Variants in FOCAD observed in about 807,000 individuals in gnomAD.
FOCAD encodes KIAA1797.
FOCAD carries 198 observed loss-of-function variants against 225.6 expected under a neutral mutation model. The ratio of observed to expected loss-of-function variants is 0.88; its 90% confidence interval spans 0.78 to 0.99. The LOEUF is 0.99. Among genes scored for constraint, FOCAD ranks in the 50% least tolerant of loss-of-function variants. The pLI is 0.00. For missense variants in FOCAD, 2,713 were observed against 2,123.6 expected (o/e 1.28, Z -5.46); for synonymous variants, 897 against 755.0 (o/e 1.19, Z -3.08).
chr9:20,820,226 T>A lies in FOCAD; in HGVS notation c.1561-98T>A, dbSNP rs1217937906. Reference sequence around the variant, plus strand: ...ATATTGCAGCAAGCTTTCTTCTCAGTCTTCATTTTATAACAAGGGGTTTAA... The same window carrying A: ...ATATTGCAGCAAGCTTTCTTCTCAGACTTCATTTTATAACAAGGGGTTTAA... On this transcript the variant is annotated intron_variant, in intron 12 of 43. Coordinates refer to ENST00000338382, the MANE Select transcript of FOCAD (RefSeq NM_001375567.1). The A allele has an allele frequency of 9.8e-6, 8 of 812,886 alleles. No individual in the cohort carries two copies. In the Admixed American group the frequency reaches 1.9e-4, roughly 20 times the overall value. The allele number at this position is 812,886 out of a possible 1,614,324, so 50.4% of individuals were successfully genotyped here.
upstream of FOCAD, among the ~76,000 whole-genome samples, chr9:20,680,856 G>A (rs922081619): frequency 1.3e-5 from 2 of 152,044 alleles, no homozygotes; most frequent in African/African-American, 2.4e-5. Context: ...TATGTTAGCC[G>A]AACACTGTGG....
chr9:20,952,899 T>A, intron 34 of FOCAD, 86 bp from the exon 35 acceptor site: 1 of 1,039,602 alleles, frequency 9.6e-7, no homozygotes, highest in Non-Finnish European at 1.5e-6. Context: ...TGTCTCTAGG[T>A]TGATATGGCA....
chr9:20,694,120 C>T (rs1055314742), intron 1 of FOCAD, among the ~76,000 whole-genome samples: 2 of 152,182 alleles, frequency 1.3e-5, no homozygotes, highest in African/African-American at 4.8e-5. Flanking sequence ...TATGCAATAC[C>T]TTTCTTGATA....
intron 19 of FOCAD, among the ~76,000 whole-genome samples, chr9:20,877,872 C>T (rs562835316): frequency 6.6e-6 from 1 of 152,106 alleles, no homozygotes; most frequent in African/African-American, 2.4e-5. Context: ...TGCACCACTG[C>T]ACTCCAGTCT....
chr9:20,687,088 A>G (rs1822713845), intron 1 of FOCAD, among the ~76,000 whole-genome samples: 1 of 151,596 alleles, frequency 6.6e-6, no homozygotes. Flanking sequence ...TCATTTAATT[A>G]GTCTGAGTTA....
intron 2 of FOCAD, among the ~76,000 whole-genome samples, chr9:20,669,502 C>A (rs916515109): frequency 6.6e-6 from 1 of 152,164 alleles, no homozygotes; most frequent in African/African-American, 2.4e-5. Flanking sequence ...TGGCACAGTG[C>A]TGTGGCTCAT....
Position 20,866,917 on chromosome 9 carries a change from T to TTTTTAACAAAAAA in FOCAD, c.2107-12_2107-11insTTTTAACAAAAAA. The TTTTTAACAAAAAA allele has an allele frequency of 1.3e-6, 1 of 764,972 alleles. No individual in the cohort carries two copies. The highest frequency in any genetic ancestry group is 3.3e-5 in the East Asian group (1 of 30,216). The allele number at this position is 764,972 out of a possible 1,614,324, so 47.4% of individuals were successfully genotyped here. A position where few individuals can be genotyped will look rare whatever the true frequency, so the allele number is the denominator to read the frequency against. On this transcript the variant is annotated splice_polypyrimidine_tract_variant and intron_variant, in intron 17 of 43. Coordinates refer to ENST00000338382, the MANE Select transcript of FOCAD (RefSeq NM_001375567.1). ...TTTTTTTTTTTTTTTTTTTTTTTTT[T>TTTTTAACAAAAAA]ACCCTATCTAGGACCCAATTGTAGC...
At chr9:20,773,852 A>C (rs1156733172) in intron 8 of FOCAD, among the ~76,000 whole-genome samples, 1 of 152,138 alleles carries the variant, frequency 6.6e-6, no homozygotes, top group Non-Finnish European at 1.5e-5. Context: ...TGCTGATTGC[A>C]ACCGTATGGT....
At chr9:20,892,442 A>T (rs907813795) in intron 21 of FOCAD, among the ~76,000 whole-genome samples, 1 of 152,186 alleles carries the variant, frequency 6.6e-6, no homozygotes, top group African/African-American at 2.4e-5. Flanking sequence ...CAAGATATCA[A>T]TGTTAACCAG....
chr9:20,737,857 G>C (rs549535185), intron 4 of FOCAD, among the ~76,000 whole-genome samples: 1 of 152,290 alleles, frequency 6.6e-6, no homozygotes, highest in South Asian at 2.1e-4. Flanking sequence ...ACCTTCAGAG[G>C]AGGCTGTGTG....
chr9:20,801,174 A>G (rs1376529386), intron 11 of FOCAD, among the ~76,000 whole-genome samples: 1 of 152,150 alleles, frequency 6.6e-6, no homozygotes, highest in African/African-American at 2.4e-5. Context: ...ATATTGGTGA[A>G]CAGTTAATGT....
chr9:20,862,521 T>G (rs1828864572), intron 15 of FOCAD, 57 bp from the exon 16 acceptor site: 1 of 1,567,082 alleles, frequency 6.4e-7, no homozygotes. Context: ...TCTTAATTAA[T>G]GGCTTCATAT....
intron 1 of FOCAD, among the ~76,000 whole-genome samples, chr9:20,708,793 A>C (rs1334810685): frequency 6.6e-6 from 1 of 151,988 alleles, no homozygotes; most frequent in Non-Finnish European, 1.5e-5. Flanking sequence ...GAAAAAAAAA[A>C]AAATTCTGTT....
intron 24 of FOCAD, among the ~76,000 whole-genome samples, chr9:20,917,216 C>T (rs1833947273): frequency 6.6e-6 from 1 of 151,414 alleles, no homozygotes; most frequent in African/African-American, 2.4e-5. Context: ...ATGACATGTG[C>T]TTTGGCTTAA....
intron 1 of FOCAD, among the ~76,000 whole-genome samples, chr9:20,709,268 G>GAC (rs1461444344): frequency 1.3e-5 from 2 of 151,948 alleles, no homozygotes; most frequent in Admixed American, 1.3e-4. Context: ...GGTTTAGACA[G>GAC]ACAAAAAAGG....
intron 24 of FOCAD, among the ~76,000 whole-genome samples, chr9:20,920,755 T>C (rs1377308493): frequency 6.6e-6 from 1 of 151,292 alleles, no homozygotes; most frequent in Non-Finnish European, 1.5e-5. Context: ...TAGGTGGGAA[T>C]TGAACAATGA....
At chr9:20,663,190 C>A (rs187448666) in intron 2 of FOCAD, among the ~76,000 whole-genome samples, 3 of 151,920 alleles carry the variant, frequency 2.0e-5, no homozygotes, top group African/African-American at 4.8e-5. Flanking sequence ...AGTTTGAGAC[C>A]AGCCTGGGCA....
intron 15 of FOCAD, among the ~76,000 whole-genome samples, chr9:20,836,494 T>C (rs935573420): frequency 6.6e-6 from 1 of 152,128 alleles, no homozygotes; most frequent in African/African-American, 2.4e-5. Flanking sequence ...CAGCGCTCTA[T>C]GTTATTTGTA....
chr9:20,923,980 A>G (rs963202101), intron 25 of FOCAD, among the ~76,000 whole-genome samples: 2 of 151,992 alleles, frequency 1.3e-5, no homozygotes, highest in African/African-American at 2.4e-5. Context: ...GGTCATTTCT[A>G]TTTGAAGGTG....
Sources: allele counts gnomAD v4.1 joint callset (sites outside exome capture counted in the v4.1 genomes callset), GRCh38; gene constraint gnomAD v4.1.1; transcripts MANE v1.5; gene names NCBI Gene and HGNC (gene_info 2026-07-23, HGNC 2026-07-21).